The following SYNJ2 variants were observed in gnomAD, a reference collection of about 807,000 sequenced individuals.
SYNJ2 encodes synaptojanin 2, also known as polyphosphatidylinositol phosphatase SYNJ2.
A neutral mutation model predicts 141.3 loss-of-function variants in SYNJ2; 116 were observed. The observed-to-expected ratio is 0.82, with a 90% CI of 0.71 to 0.96. The LOEUF is 0.96. Ranked by LOEUF, SYNJ2 falls within the 40% of genes least tolerant of loss-of-function variation. The pLI is 0.00. For missense variants in SYNJ2, 1,873 were observed against 1,934.8 expected (o/e 0.97, Z 0.60); for synonymous variants, 745 against 777.7 (o/e 0.96, Z 0.70).
At chr6:158,081,028 C>A in intron 18 of SYNJ2, 81 bp from the exon 19 acceptor site, 3 of 1,336,656 alleles carry the variant, frequency 2.2e-6, no homozygotes, top group East Asian at 2.3e-5. Context: ...ACATCTGTCC[C>A]AGGCTAACTG....
intron 5 of SYNJ2, among the ~76,000 whole-genome samples, chr6:158,053,488 C>T (rs1216879843): frequency 6.6e-6 from 1 of 152,112 alleles, no homozygotes; most frequent in Non-Finnish European, 1.5e-5. Flanking sequence ...AGAGCCCTCT[C>T]TTGTTCCCCA....
intron 1 of SYNJ2, among the ~76,000 whole-genome samples, chr6:157,990,292 T>TATTCCTGCATCCTGC (rs1156887871): frequency 7.2e-5 from 11 of 152,178 alleles, no homozygotes; most frequent in Non-Finnish European, 1.3e-4. Flanking sequence ...CACCTGGTTG[T>TATTCCTGCATCCTGC]ATTCCTGCAT....
chr6:158,081,977 C>A (rs550392148), intron 20 of SYNJ2, among the ~76,000 whole-genome samples: 3 of 152,074 alleles, frequency 2.0e-5, no homozygotes, highest in African/African-American at 7.2e-5. Flanking sequence ...TATGTATAGA[C>A]GCCATATGCG....
At chr6:158,033,732 T>C in intron 4 of SYNJ2, 52 bp downstream of exon 4, 1 of 1,552,098 alleles carries the variant, frequency 6.4e-7, no homozygotes, top group Non-Finnish European at 8.7e-7. Flanking sequence ...TGGCTGCAGC[T>C]CTTGCACACG....
At chr6:158,018,023 G>T (rs13203934) in intron 2 of SYNJ2, among the ~76,000 whole-genome samples, 2 of 152,256 alleles carry the variant, frequency 1.3e-5, no homozygotes, top group Non-Finnish European at 2.9e-5. Context: ...CGGGGGCACA[G>T]GGGTGGGCTG....
chr6:158,028,790 A>G lies in SYNJ2; in HGVS notation c.249A>G (p.Thr83=), dbSNP rs1162641528. The G allele has an allele frequency of 1.2e-6, 2 of 1,614,144 alleles. No homozygotes were observed. The highest frequency in any genetic ancestry group is 2.2e-5 in the East Asian group (1 of 44,868). The part of the protein sequence containing the change: ...GTSLSFLVLV[T]GCTSVGRIPD... ...CTCTGAGCTTCCTGGTGTTGGTGAC[A>G]GGCTGCACATCTGTGGGCAGAATTC... The change falls in exon 3 of 27, where the codon ACA becomes ACG. Residue 83 remains threonine (T), a synonymous_variant. Coordinates refer to ENST00000355585, the MANE Select transcript of SYNJ2 (RefSeq NM_003898.4).
intron 2 of SYNJ2, among the ~76,000 whole-genome samples, chr6:158,022,519 T>C (rs1778832711): frequency 6.6e-6 from 1 of 152,188 alleles, no homozygotes; most frequent in Non-Finnish European, 1.5e-5. Flanking sequence ...GGCTTTGCTT[T>C]GGCCAGAGCC....
intron 1 of SYNJ2, among the ~76,000 whole-genome samples, chr6:158,009,290 G>GGCTGT (rs2128324039): frequency 6.6e-6 from 1 of 152,328 alleles, no homozygotes; most frequent in Admixed American, 6.5e-5. Context: ...GCCTCTTCCT[G>GGCTGT]GCTGTGCCTC....
At chr6:157,991,856 C>T (rs1393032373) in intron 1 of SYNJ2, among the ~76,000 whole-genome samples, 1 of 152,150 alleles carries the variant, frequency 6.6e-6, no homozygotes. Flanking sequence ...TTTCCTACAA[C>T]CAGCAAAAAC....
At position 158,071,672 on chromosome 6, in the gene SYNJ2, C is replaced by T. The variant is rs200952490; in HGVS notation, c.2011C>T (p.Arg671Cys). Residue 671 changes from arginine (R) to cysteine (C), a missense_variant, in exon 15 of 27, where the codon CGC becomes TGC. Transcript: ENST00000355585. The surrounding 1 kb of genome is among the most constrained non-coding windows in gnomAD (Gnocchi z 4.3). ...GGGGAACAAGGGCGCCGTCGGCATC[C>T]GCTTCCAGTTCCACAGCACCAGCTT... ...KAGNKGAVGIRFQFHSTSFCF... is the reference protein window; with the variant it reads ...KAGNKGAVGICFQFHSTSFCF... The T allele has an allele frequency of 1.9e-5, 30 of 1,614,130 alleles. No homozygotes were observed. The highest frequency in any genetic ancestry group is 6.6e-5 in the South Asian group (6 of 91,086).
intron 4 of SYNJ2, among the ~76,000 whole-genome samples, chr6:158,038,617 C>T (rs554721786): frequency 1.3e-5 from 2 of 152,360 alleles, no homozygotes; most frequent in South Asian, 2.1e-4. Context: ...GCGCTGAGTC[C>T]AGGGCTGTCC....
rs1213179374 is a variant in SYNJ2, at chr6:158,033,362, C to A, written c.486-93C>A. 3.7e-6 allele frequency: 5 copies of A among 1,365,072 alleles called. No individual in the cohort carries two copies. In the East Asian group the frequency reaches 1.2e-4, roughly 33 times the overall value. The allele number at this position is 1,365,072 out of a possible 1,614,324, so 84.6% of individuals were successfully genotyped here. A position where few individuals can be genotyped will look rare whatever the true frequency, so the allele number is the denominator to read the frequency against. On this transcript the variant is annotated intron_variant, in intron 3 of 26. Transcript: ENST00000355585. ...CGCTGACCCGAAATGCTGCACCGTG[C>A]GCCCCCCAGTTCCTCAGCCACACTC...
At chr6:158,020,914 A>C (rs1430642393) in intron 2 of SYNJ2, among the ~76,000 whole-genome samples, 1 of 152,202 alleles carries the variant, frequency 6.6e-6, no homozygotes, top group Non-Finnish European at 1.5e-5. Context: ...TATGCACAAA[A>C]ATTCATAAAA....
intron 5 of SYNJ2, among the ~76,000 whole-genome samples, chr6:158,053,474 C>T (rs886263624): frequency 3.3e-5 from 5 of 152,134 alleles, no homozygotes; most frequent in Admixed American, 2.6e-4. Flanking sequence ...TGGTATTCTA[C>T]TATAGAGCCC....
chr6:158,044,960 G>A (rs943739877), intron 5 of SYNJ2, among the ~76,000 whole-genome samples: 1 of 152,100 alleles, frequency 6.6e-6, no homozygotes, highest in Non-Finnish European at 1.5e-5. Context: ...AAGGAGACAG[G>A]GAGACCATGT....
rs547491213 is a variant in SYNJ2 at position 158,067,717 on chromosome 6, T to A, written c.1718-930T>A. 1.5e-5 allele frequency: 15 copies of A among 985,050 alleles called. 1 individual carries two copies. In the South Asian group the frequency reaches 3.8e-4, roughly 25 times the overall value. The allele number at this position is 985,050 out of a possible 1,614,324, so 61.0% of individuals were successfully genotyped here. A position where few individuals can be genotyped will look rare whatever the true frequency, so the allele number is the denominator to read the frequency against. On this transcript the variant is annotated intron_variant, in intron 12 of 26. Transcript: ENST00000355585. ...GGGTAGTACCCAGAGCCCCATCCCTTCCTGTGCACACGCCATCTGTGCCCT... is the reference window on the plus strand; with the variant it reads ...GGGTAGTACCCAGAGCCCCATCCCTACCTGTGCACACGCCATCTGTGCCCT...
intron 1 of SYNJ2, among the ~76,000 whole-genome samples, chr6:157,985,467 G>A (rs1309897170): frequency 6.6e-6 from 1 of 152,182 alleles, no homozygotes; most frequent in Non-Finnish European, 1.5e-5. Context: ...ATGAAGTCTC[G>A]GGAACCTGAC....
In SYNJ2 at chr6:158,098,571, T is replaced by C. The variant is rs1345906784; in HGVS notation, c.*2207T>C. ...AAAAAGGACAATTGGAATTGCCTTA[T>C]TTATTTTTAAAATCAATGCTTACTA... On this transcript the variant is annotated 3_prime_UTR_variant, in exon 27 of 27. Transcript: ENST00000355585. 2 of 152,198 alleles carry C rather than the reference T, an allele frequency of 1.3e-5. No homozygotes were observed. The highest frequency in any genetic ancestry group is 2.4e-5 in the African/African-American group (1 of 41,442). The allele number at this position is 152,198 out of a possible 1,614,324, so 9.4% of individuals were successfully genotyped here.
At position 158,092,998 on chromosome 6, in the gene SYNJ2, C is replaced by T. The variant is rs139844496; in HGVS notation, c.3638C>T (p.Pro1213Leu). 3.7e-4 allele frequency: 599 copies of T among 1,613,154 alleles called. No homozygotes were observed. The highest frequency in any genetic ancestry group is 4.5e-4 in the Non-Finnish European group (532 of 1,179,768). Reference protein sequence around the residue: ...LEASSEPEPTPGAAKPETPQA... With the variant: ...LEASSEPEPTLGAAKPETPQA... Reference sequence around the variant, plus strand: ...GCATCCTCTGAACCAGAGCCCACACCGGGGGCAGCCAAACCAGAGACCCCA... The same window carrying T: ...GCATCCTCTGAACCAGAGCCCACACTGGGGGCAGCCAAACCAGAGACCCCA... The change falls in exon 26 of 27, where the codon CCG becomes CTG. Residue 1213 changes from proline (P) to leucine (L), a missense_variant. Transcript: ENST00000355585.
Sources: allele counts gnomAD v4.1 joint callset (sites outside exome capture counted in the v4.1 genomes callset), GRCh38; gene constraint gnomAD v4.1.1; non-coding constraint Gnocchi (gnomAD v3.1); transcripts MANE v1.5; gene names NCBI Gene and HGNC (gene_info 2026-07-23, HGNC 2026-07-21).